The following RASL12 variants were observed in gnomAD, a reference collection of about 807,000 sequenced individuals.
RASL12 encodes the protein ras-like protein family member 12.
Under a neutral mutation model 22.9 loss-of-function variants are expected in RASL12, and 16 were observed. The observed-to-expected ratio is 0.70, with a 90% CI of 0.47 to 1.06. The LOEUF (loss-of-function observed/expected upper bound fraction) is 1.06, where lower values mean the gene tolerates loss of function less well. Among genes scored for constraint, RASL12 ranks in the 50% least tolerant of loss-of-function variants. The pLI, the probability that RASL12 is intolerant of heterozygous loss-of-function variation, is 0.00. For missense variants in RASL12, 306 were observed against 353.1 expected, an observed-to-expected ratio of 0.87 and a Z score of 1.07; for synonymous variants, 159 against 152.2, an observed-to-expected ratio of 1.04 and a Z score of -0.33.
At chr15:65,075,902 A>C (rs1225325057) in intron 1 of RASL12, among the ~76,000 whole-genome samples, 1 of 151,994 alleles carries the variant, frequency 6.6e-6, no homozygotes, top group East Asian at 1.9e-4. Flanking sequence ...GTTTGTAAAC[A>C]CACCAATCAG....
rs562314492 is a variant in RASL12 at position 65,055,065 on chromosome 15, G to A, written c.635C>T (p.Ala212Val). 1.7e-5 allele frequency: 27 copies of A among 1,613,038 alleles called. No individual in the cohort carries two copies. Among genetic ancestry groups the A allele is most frequent in the East Asian group, 4.5e-5 (2 of 44,834 alleles). Residue 212 changes from alanine (A) to valine (V), a missense_variant, in exon 5 of 5, where the codon GCG (alanine) becomes GTG (valine). Ala to Val is a moderately conservative substitution (Grantham distance 64, BLOSUM62 0). Transcript: ENST00000220062. Reference sequence around the variant, plus strand: ...GGTGCAGCTGGCCAGCCCATGCCGCGCGGTGAGCGGGGCCTGGTGGGGCAG... The same window carrying A: ...GGTGCAGCTGGCCAGCCCATGCCGCACGGTGAGCGGGGCCTGGTGGGGCAG... The part of the protein sequence containing the change: ...RALPHQAPLT[A>V]RHGLASCTFN...
chr15:65,074,317 C>T (rs143102821), intron 1 of RASL12, among the ~76,000 whole-genome samples: 2 of 152,366 alleles, frequency 1.3e-5, no homozygotes, highest in East Asian at 3.9e-4. Context: ...TAAAGTCTTT[C>T]AGCCTCAACC....
chr15:65,053,854 A>C lies in RASL12; in HGVS notation c.*1045T>G. 1 of 985,890 alleles carries C rather than the reference A, an allele frequency of 1.0e-6. No homozygotes were observed. The highest frequency in any genetic ancestry group is 1.2e-6 in the Non-Finnish European group (1 of 829,954). The allele number at this position is 985,890 out of a possible 1,614,324, so 61.1% of individuals were successfully genotyped here. ...TGTGTCCTGATCCCATGTCTGAGCC[A>C]TGGTGTCTTGGTATAAGCTGCGGTG... On this transcript the variant is annotated 3_prime_UTR_variant, in exon 5 of 5. Transcript: ENST00000220062.
Position 65,058,000 on chromosome 15 carries a change from G to A in RASL12, c.425+427C>T, listed in dbSNP as rs538196257. ...CAACATAATCCCTGTGGTCGGGCACGGTGGCTCACGCCTGTAATCCCACAC... is the reference window on the plus strand; with the variant it reads ...CAACATAATCCCTGTGGTCGGGCACAGTGGCTCACGCCTGTAATCCCACAC... On this transcript the variant is annotated intron_variant, in intron 4 of 4. Coordinates refer to ENST00000220062, the MANE Select transcript of RASL12 (RefSeq NM_016563.4). Among the ~76,000 whole-genome samples the A allele has an allele frequency of 1.5e-3, 229 of 152,278 alleles. 1 individual carries two copies. The highest frequency in any genetic ancestry group is 2.6e-3 in the Non-Finnish European group (175 of 68,024).
chr15:65,061,932 A>C (rs983919627), intron 2 of RASL12, among the ~76,000 whole-genome samples: 3 of 151,912 alleles, frequency 2.0e-5, no homozygotes, highest in African/African-American at 7.3e-5. Flanking sequence ...CACCTGTAGT[A>C]CCAGCTACTC....
the RASL12 span, among the ~76,000 whole-genome samples, chr15:65,048,176 G>A: frequency 6.0e-5 from 8 of 134,178 alleles, no homozygotes; most frequent in African/African-American, 1.5e-4. Flanking sequence ...GCAAGACTCC[G>A]TCTCAAAAGA....
chr15:65,052,825 T>C (rs1044056890), downstream of RASL12: 29 of 688,710 alleles, frequency 4.2e-5, no homozygotes, highest in Non-Finnish European at 6.3e-5. Flanking sequence ...TGAAGGAATA[T>C]CCAACCATTG....
the RASL12 span, among the ~76,000 whole-genome samples, chr15:65,046,926 C>A: frequency 2.0e-5 from 3 of 150,942 alleles, no homozygotes; most frequent in South Asian, 2.1e-4. Flanking sequence ...AAACAAAAAA[C>A]AAAAAAACAC....
At position 65,067,888 on chromosome 15, in the gene RASL12, G is replaced by T; in HGVS notation, c.-53C>A. The stretch of plus-strand genomic sequence containing the variant: ...CTGCGGCCGGTGGGCCCCGCGCAGT[G>T]CGCCCGCCCGTCGGGGCCCAGGGGA... On this transcript the variant is annotated 5_prime_UTR_variant, in exon 1 of 5. Coordinates refer to ENST00000220062, the MANE Select transcript of RASL12 (RefSeq NM_016563.4). 7.2e-7 allele frequency: 1 copy of T among 1,382,130 alleles called. No individual in the cohort carries two copies. The highest frequency in any genetic ancestry group is 9.3e-7 in the Non-Finnish European group (1 of 1,073,614). The allele number at this position is 1,382,130 out of a possible 1,614,324, so 85.6% of individuals were successfully genotyped here. A position where few individuals can be genotyped will look rare whatever the true frequency, so the allele number is the denominator to read the frequency against.
intron 1 of RASL12, chr15:65,076,400 C>T (rs1423374074): frequency 2.1e-5 from 10 of 485,348 alleles, no homozygotes; most frequent in African/African-American, 1.8e-4. Context: ...ACACTCACAG[C>T]GAAGGTCTGC....
At chr15:65,061,643 A>G (rs2140524443) in intron 2 of RASL12, among the ~76,000 whole-genome samples, 1 of 152,316 alleles carries the variant, frequency 6.6e-6, no homozygotes, top group South Asian at 2.1e-4. Flanking sequence ...GAGAAGAGTC[A>G]TTTCCCAAAG....
intron 1 of RASL12, chr15:65,076,502 C>T (rs116804967): frequency 4.8e-5 from 33 of 685,730 alleles, no homozygotes; most frequent in African/African-American, 1.8e-4. Flanking sequence ...ACTCCAGACA[C>T]GCTACCTTAA....
In RASL12 at chr15:65,055,213, C is replaced by G. The variant is rs371559602; in HGVS notation, c.487G>C (p.Val163Leu). 17 of 1,608,932 alleles carry G rather than the reference C, an allele frequency of 1.1e-5. No homozygotes were observed. Among genetic ancestry groups the G allele is most frequent in the Non-Finnish European group, 1.4e-5 (17 of 1,177,754 alleles). The change falls in exon 5 of 5, where the codon GTC (valine) becomes CTC (leucine). Residue 163 changes from valine to leucine, a missense_variant. Physicochemically the swap from Val to Leu is conservative, Grantham distance 32 (BLOSUM62 1). Transcript: ENST00000220062. The part of the protein sequence containing the change: ...AGRFGCLFFE[V>L]SACLDFEHVQ... ...TGCTCAAAGTCCAGACAGGCAGAGA[C>G]CTCGAAAAACAGGCACCCAAACCTG...
In RASL12 at chr15:65,053,791, T is replaced by C. The variant is rs2086691009; in HGVS notation, c.*1108A>G. ...CAGACAACTACCACACTGCCTGCCT[T>C]GGACAGCCTTTTCTTGCTAACAGTG... On this transcript the variant is annotated 3_prime_UTR_variant, in exon 5 of 5. Coordinates refer to ENST00000220062, the MANE Select transcript of RASL12 (RefSeq NM_016563.4). 1.0e-5 allele frequency: 10 copies of C among 986,040 alleles called. No individual in the cohort carries two copies. In the South Asian group the frequency reaches 4.2e-4, roughly 42 times the overall value. 61.1% of individuals were successfully genotyped at this position (986,040 alleles called of 1,614,324 possible). A position where few individuals can be genotyped will look rare whatever the true frequency, so the allele number is the denominator to read the frequency against.
intron 1 of RASL12, chr15:65,076,518 G>GT (rs1566959396): frequency 4.3e-6 from 3 of 697,706 alleles, no homozygotes; most frequent in Middle Eastern, 2.3e-4. Flanking sequence ...CTTAAGAGCT[G>GT]TAACACTCAC....
chr15:65,052,869 G>C (rs2086672746), downstream of RASL12: 9 of 1,125,202 alleles, frequency 8.0e-6, no homozygotes, highest in Non-Finnish European at 1.0e-5. Context: ...AAACTGCATA[G>C]AGAATTTTCC....
rs1299559702 is a variant in RASL12, at chr15:65,053,537, C to G, written c.*1362G>C. 9.8e-7 allele frequency: 1 copy of G among 1,024,504 alleles called. No individual in the cohort carries two copies. Among genetic ancestry groups the G allele is most frequent in the Non-Finnish European group, 1.2e-6 (1 of 854,800 alleles). 63.5% of individuals were successfully genotyped at this position (1,024,504 alleles called of 1,614,324 possible). On this transcript the variant is annotated 3_prime_UTR_variant, in exon 5 of 5. Coordinates refer to ENST00000220062, the MANE Select transcript of RASL12 (RefSeq NM_016563.4). ...TGTGGTCTTGAGTAGTTCACAGCCCCCCTCTGACCTCAGCTCCTCCATTTA... is the reference window on the plus strand; with the variant it reads ...TGTGGTCTTGAGTAGTTCACAGCCCGCCTCTGACCTCAGCTCCTCCATTTA...
downstream of RASL12, among the ~76,000 whole-genome samples, chr15:65,050,978 G>A (rs1235542583): frequency 6.6e-6 from 1 of 151,388 alleles, no homozygotes; most frequent in Non-Finnish European, 1.5e-5. Flanking sequence ...CTGAGTAGCT[G>A]GGATTACAGT....
At position 65,054,592 on chromosome 15, in the gene RASL12, G is replaced by A; in HGVS notation, c.*307C>T. 1 of 1,182,712 alleles carries A rather than the reference G, an allele frequency of 8.5e-7. No individual in the cohort carries two copies. The highest frequency in any genetic ancestry group is 1.1e-6 in the Non-Finnish European group (1 of 951,274). 73.3% of individuals were successfully genotyped at this position (1,182,712 alleles called of 1,614,324 possible). A position where few individuals can be genotyped will look rare whatever the true frequency, so the allele number is the denominator to read the frequency against. On this transcript the variant is annotated 3_prime_UTR_variant, in exon 5 of 5. Transcript: ENST00000220062. Reference sequence around the variant, plus strand: ...GCTGGAGCAGGAAGGGCTGATGGCAGCAGGATAGACACTGCAATTTCTTCC... The same window carrying A: ...GCTGGAGCAGGAAGGGCTGATGGCAACAGGATAGACACTGCAATTTCTTCC...
Sources: allele counts gnomAD v4.1 joint callset (sites outside exome capture counted in the v4.1 genomes callset), GRCh38; gene constraint gnomAD v4.1.1; transcripts MANE v1.5; gene names NCBI Gene and HGNC (gene_info 2026-07-23, HGNC 2026-07-21).